Variants in AFF4 observed in about 807,000 individuals in gnomAD.
AFF4 encodes the protein AF4/FMR2 family member 4.
Under a neutral mutation model 124.8 loss-of-function variants are expected in AFF4, and 13 were observed. The observed-to-expected ratio is 0.10, with a 90% CI of 0.07 to 0.17. The LOEUF (loss-of-function observed/expected upper bound fraction) is 0.17. AFF4 is among the 10% of genes least tolerant of loss of function. AFF4 has a pLI of 1.00. For synonymous variants in AFF4, 477 were observed against 496.1 expected (o/e 0.96, Z 0.51); for missense variants, 1,092 against 1,403.8 (o/e 0.78, Z 3.55).
chr5:132,937,135 G>C lies in AFF4; in HGVS notation c.55C>G (p.Gln19Glu). The part of the protein sequence containing the change: ...LRMKERERRN[Q>E]EIQQGEDAFP... The stretch of plus-strand genomic sequence containing the variant: ...GCGTCTTCGCCCTGCTGAATTTCCT[G>C]ATTCCGCCTTTCCCGTTCTTTCATA... The change falls in exon 2 of 21, where the codon CAG becomes GAG. Residue 19 changes from glutamine (Q) to glutamate (E), a missense_variant. This residue lies in a region of AFF4 where 46 missense variants were observed against 49.0 expected (regional missense o/e 0.94). Transcript: ENST00000265343. 1 of 1,614,036 alleles carries C rather than the reference G, an allele frequency of 6.2e-7. No homozygotes were observed. Among genetic ancestry groups the C allele is most frequent in the Non-Finnish European group, 8.5e-7 (1 of 1,179,980 alleles).
intron 1 of AFF4, among the ~76,000 whole-genome samples, chr5:132,941,982 G>A (rs1159060610): frequency 2.0e-5 from 3 of 151,298 alleles, no homozygotes; most frequent in Non-Finnish European, 4.4e-5. Flanking sequence ...ACTCCAGCCC[G>A]GGGAACAGAG....
chr5:132,913,117 T>C (rs1328585803), intron 5 of AFF4, among the ~76,000 whole-genome samples: 1 of 152,128 alleles, frequency 6.6e-6, no homozygotes, highest in Non-Finnish European at 1.5e-5. Flanking sequence ...CATGCTAACA[T>C]TAAATAAAAG....
intron 5 of AFF4, among the ~76,000 whole-genome samples, chr5:132,918,888 GT>G (rs34475797): frequency 0.31 from 42,838 of 138,486 alleles, 5,978 homozygotes; most frequent in East Asian, 0.54. Flanking sequence ...TTGTTTGTTT[GT>G]TTTTTTTTTT....
intron 5 of AFF4, among the ~76,000 whole-genome samples, chr5:132,925,398 T>G (rs940211325): frequency 1.3e-5 from 2 of 151,942 alleles, no homozygotes; most frequent in African/African-American, 4.8e-5. Context: ...AAAAGTCTTC[T>G]TTAACAAGAC....
In AFF4 at chr5:132,876,360, A is replaced by G. The variant is rs1455825400; in HGVS notation, c.*4699T>C. On this transcript the variant is annotated 3_prime_UTR_variant, in exon 21 of 21. Coordinates refer to ENST00000265343, the MANE Select transcript of AFF4 (RefSeq NM_014423.4). ...TTTGAAAGGCAGCATTTCCAAATTGATATTTTCCAGAGAGGAACATAGCAG... is the reference window on the plus strand; with the variant it reads ...TTTGAAAGGCAGCATTTCCAAATTGGTATTTTCCAGAGAGGAACATAGCAG... 1.3e-5 allele frequency: 3 copies of G among 228,604 alleles called. No homozygotes were observed. Among genetic ancestry groups the G allele is most frequent in the Non-Finnish European group, 8.7e-6 (1 of 114,950 alleles). 14.2% of individuals were successfully genotyped at this position (228,604 alleles called of 1,614,324 possible).
chr5:132,882,341 CA>C (rs1760002950), intron 20 of AFF4, among the ~76,000 whole-genome samples: 1 of 151,984 alleles, frequency 6.6e-6, no homozygotes, highest in African/African-American at 2.4e-5. Flanking sequence ...TACTCTGTGA[CA>C]AAATGACACT....
intron 1 of AFF4, among the ~76,000 whole-genome samples, chr5:132,938,433 T>G (rs1761484123): frequency 2.0e-5 from 3 of 151,692 alleles, no homozygotes; most frequent in Admixed American, 2.0e-4. Context: ...GGCTGGCTAA[T>G]TTTTTTATTT....
chr5:132,899,596 A>C lies in AFF4; in HGVS notation c.1179T>G (p.Asp393Glu), dbSNP rs546917694. 1.1e-5 allele frequency: 17 copies of C among 1,612,154 alleles called. No individual in the cohort carries two copies. The South Asian group carries it at 1.7e-4, about 16-fold the overall frequency. Residue 393 changes from aspartate (D) to glutamate (E), a missense_variant, in exon 8 of 21, where the codon GAT becomes GAG. Around this residue, in one of 11 missense-constraint regions of AFF4, gnomAD observed 148 missense variants for 196.3 expected, o/e 0.75. Coordinates refer to ENST00000265343, the MANE Select transcript of AFF4 (RefSeq NM_014423.4). ...DLKLSSSEDS[D>E]GEQDCDKTMP... is the part of the protein sequence containing the mutation. ...ACAATAGTAGACACACCTGTTCCCC[A>C]TCACTGTCTTCACTGCTGCTTAGTT...
rs1760429998 is a variant in AFF4 at position 132,897,249 on chromosome 5, C to G, written c.1390-9G>C. 6 of 1,609,182 alleles carry G rather than the reference C, an allele frequency of 3.7e-6. No individual in the cohort carries two copies. The highest frequency in any genetic ancestry group is 5.1e-6 in the Non-Finnish European group (6 of 1,176,970). On this transcript the variant is annotated splice_polypyrimidine_tract_variant and intron_variant, in intron 10 of 20. Transcript: ENST00000265343. ...GTTGGCGGGGGTTCAGGCTGAAAAA[C>G]AGAGAAATATGTATGCTTTTTTCGA...
At chr5:132,910,610 T>G (rs1234205172) in intron 5 of AFF4, among the ~76,000 whole-genome samples, 11 of 152,128 alleles carry the variant, frequency 7.2e-5, no homozygotes, top group African/African-American at 1.9e-4. Flanking sequence ...CCACTTAAAT[T>G]TGGAGAATGA....
intron 1 of AFF4, among the ~76,000 whole-genome samples, chr5:132,955,902 CATATA>C (rs897113675): frequency 6.9e-6 from 1 of 144,000 alleles, no homozygotes; most frequent in Non-Finnish European, 1.5e-5. Context: ...ATATATGCTA[CATATA>C]ATATATACTA....
chr5:132,880,023 T>G lies in AFF4; in HGVS notation c.*1036A>C. 1 of 392,070 alleles carries G rather than the reference T, an allele frequency of 2.6e-6. No individual in the cohort carries two copies. Among genetic ancestry groups the G allele is most frequent in the Non-Finnish European group, 4.5e-6 (1 of 222,250 alleles). The allele number at this position is 392,070 out of a possible 1,614,324, so 24.3% of individuals were successfully genotyped here. ...GCCTATTTCTGTATCAGTCATTGCA[T>G]GCTCATATCAGAGCATCACAATCCA... On this transcript the variant is annotated 3_prime_UTR_variant, in exon 21 of 21. Transcript: ENST00000265343.
At chr5:132,935,390 C>G (rs565108394) in intron 2 of AFF4, among the ~76,000 whole-genome samples, 14 of 152,318 alleles carry the variant, frequency 9.2e-5, no homozygotes, top group African/African-American at 3.1e-4. Context: ...CTTTGGGAGG[C>G]CAAGACGGAC....
intron 20 of AFF4, among the ~76,000 whole-genome samples, chr5:132,882,775 A>C (rs1268808473): frequency 6.6e-6 from 1 of 151,568 alleles, no homozygotes. Flanking sequence ...AATCACTTGA[A>C]ACCGGAAGGT....
chr5:132,917,449 A>AT (rs1760938101), intron 5 of AFF4, among the ~76,000 whole-genome samples: 1 of 152,128 alleles, frequency 6.6e-6, no homozygotes, highest in South Asian at 2.1e-4. Context: ...CTCCTCTATG[A>AT]TAAAAAATAA....
intron 3 of AFF4, 102 bp downstream of exon 3, chr5:132,934,045 C>T (rs1761361500): frequency 1.5e-6 from 2 of 1,304,310 alleles, no homozygotes; most frequent in Middle Eastern, 2.7e-4. Context: ...ACATTCCTTA[C>T]TATTAAGGCA....
At position 132,881,068 on chromosome 5, in the gene AFF4, C is replaced by T. The variant is rs751033135; in HGVS notation, c.3483G>A (p.Leu1161=). ...GLHWLRQDAK[L]IS is the part of the protein sequence containing the mutation. The stretch of plus-strand genomic sequence containing the variant: ...CGAGAATGTGTTCAGTTCAAGATAT[C>T]AACTTGGCATCCTGGCGAAGCCAGT... The change falls in exon 21 of 21, where the codon TTG becomes TTA. Residue 1161 remains leucine, a synonymous_variant. Coordinates refer to ENST00000265343, the MANE Select transcript of AFF4 (RefSeq NM_014423.4). 6.2e-7 allele frequency: 1 copy of T among 1,613,290 alleles called. No individual in the cohort carries two copies. The highest frequency in any genetic ancestry group is 1.1e-5 in the South Asian group (1 of 90,854).
intron 17 of AFF4, among the ~76,000 whole-genome samples, chr5:132,886,919 T>C (rs1390118436): frequency 6.6e-6 from 1 of 152,192 alleles, no homozygotes; most frequent in Admixed American, 6.5e-5. Flanking sequence ...TCCCTCTAAA[T>C]AGAGTAGGTC....
chr5:132,882,876 T>G (rs1760019705), intron 20 of AFF4, among the ~76,000 whole-genome samples: 1 of 148,068 alleles, frequency 6.8e-6, no homozygotes, highest in African/African-American at 2.5e-5. Flanking sequence ...AAAAAAAATT[T>G]CTATTCATTC....
Sources: allele counts gnomAD v4.1 joint callset (sites outside exome capture counted in the v4.1 genomes callset), GRCh38; gene constraint gnomAD v4.1.1; regional missense constraint gnomAD v4.1.1; transcripts MANE v1.5; gene names NCBI Gene and HGNC (gene_info 2026-07-23, HGNC 2026-07-21).